The following SEPTIN2 variants were observed in gnomAD, a reference collection of about 807,000 sequenced individuals.
The protein encoded by SEPTIN2 is septin 2, also known as septin-2.
In SEPTIN2, 34 loss-of-function variants were observed where a neutral mutation model predicts 46.5. The observed-to-expected ratio is 0.73, with a 90% CI of 0.56 to 0.97. SEPTIN2 has a LOEUF of 0.97. Ranked by LOEUF, SEPTIN2 falls within the 50% of genes least tolerant of loss-of-function variation. The probability of loss-of-function intolerance (pLI) is 0.00; values close to 1 mark genes in which losing one functional copy is unlikely to be tolerated. For synonymous variants in SEPTIN2, 175 were observed against 153.4 expected, an observed-to-expected ratio of 1.14 and a Z score of -1.04; for missense variants, 347 against 448.4, an observed-to-expected ratio of 0.77 and a Z score of 2.04.
chr2:241,325,611 G>A (rs191399620), intron 2 of SEPTIN2, among the ~76,000 whole-genome samples: 52 of 152,280 alleles, frequency 3.4e-4, no homozygotes, highest in African/African-American at 1.2e-3. Context: ...AGTACTGTCA[G>A]CTGTAGCAGT....
intron 5 of SEPTIN2, 108 bp downstream of exon 5, chr2:241,336,206 T>TA (rs942556236): frequency 3.6e-6 from 4 of 1,097,926 alleles, no homozygotes; most frequent in Non-Finnish European, 5.2e-6. Context: ...CTGTATATAA[T>TA]AAAACACCTA....
intron 3 of SEPTIN2, among the ~76,000 whole-genome samples, chr2:241,327,110 T>G (rs549890658): frequency 6.8e-6 from 1 of 147,650 alleles, no homozygotes; most frequent in South Asian, 2.1e-4. Flanking sequence ...ATTCACAATG[T>G]CTAATGTCTA....
intron 1 of SEPTIN2, chr2:241,318,120 AG>A (rs1575114319): frequency 6.7e-6 from 1 of 149,472 alleles, no homozygotes; most frequent in Non-Finnish European, 1.5e-5. Flanking sequence ...GTTATGTTTC[AG>A]AAAAAAAAAA....
chr2:241,345,450 T>C (rs944228764), intron 9 of SEPTIN2, among the ~76,000 whole-genome samples: 1 of 151,768 alleles, frequency 6.6e-6, no homozygotes, highest in African/African-American at 2.4e-5. Flanking sequence ...TTTACTTTAG[T>C]GTCAGTTGTG....
chr2:241,346,275 G>A (rs771345434), intron 10 of SEPTIN2, 26 bp downstream of exon 10: 1 of 1,591,578 alleles, frequency 6.3e-7, no homozygotes, highest in Admixed American at 1.7e-5. Flanking sequence ...CCCTTTCTCT[G>A]TATTGTGTCA....
chr2:241,351,451 C>T (rs914875740), intron 12 of SEPTIN2: 2 of 152,136 alleles, frequency 1.3e-5, no homozygotes, highest in Non-Finnish European at 2.9e-5. Flanking sequence ...TAGAATAGTC[C>T]TGAGGGTATG....
chr2:241,332,065 C>T lies in SEPTIN2; in HGVS notation c.131-3061C>T, dbSNP rs1412711689. On this transcript the variant is annotated intron_variant, in intron 3 of 12. Coordinates refer to ENST00000391971, the MANE Select transcript of SEPTIN2 (RefSeq NM_004404.5). ...CCTGCTTCACACTGTATATCACAAC[C>T]TGAAATTATAGTAGATTTAAATGTA... Among the ~76,000 whole-genome samples, 5 of 152,032 alleles carry T rather than the reference C, an allele frequency of 3.3e-5. No individual in the cohort carries two copies. The East Asian group carries it at 9.7e-4, about 29-fold the overall frequency.
intron 3 of SEPTIN2, among the ~76,000 whole-genome samples, chr2:241,333,963 G>T (rs1242226946): frequency 6.6e-6 from 1 of 152,094 alleles, no homozygotes; most frequent in Admixed American, 6.5e-5. Context: ...CAATCCTTCT[G>T]CCCTAGCCTC....
At chr2:241,317,516 A>C in intron 1 of SEPTIN2, 1 of 984,600 alleles carries the variant, frequency 1.0e-6, no homozygotes, top group Non-Finnish European at 1.2e-6. Context: ...AAACTGCTGT[A>C]AAAGAAGAAG....
intron 1 of SEPTIN2, among the ~76,000 whole-genome samples, chr2:241,319,976 T>C (rs933583354): frequency 2.6e-5 from 4 of 152,224 alleles, no homozygotes; most frequent in Non-Finnish European, 4.4e-5. Context: ...TGATTTTTTT[T>C]CCCCTATACT....
At chr2:241,329,339 A>G (rs539224243) in intron 3 of SEPTIN2, among the ~76,000 whole-genome samples, 3 of 152,162 alleles carry the variant, frequency 2.0e-5, no homozygotes, top group Admixed American at 1.3e-4. Context: ...CGTGTTAGCC[A>G]TGATGGTCTC....
At chr2:241,334,214 G>GCTTTGCAGAA (rs1381573921) in intron 3 of SEPTIN2, among the ~76,000 whole-genome samples, 1 of 152,108 alleles carries the variant, frequency 6.6e-6, no homozygotes, top group Non-Finnish European at 1.5e-5. Context: ...CCTTCCTCAT[G>GCTTTGCAGAA]CTTTGCAGAA....
At chr2:241,346,516 G>C (rs1439598804) in intron 10 of SEPTIN2, 1 of 203,128 alleles carries the variant, frequency 4.9e-6, no homozygotes, top group Non-Finnish European at 1.0e-5. Flanking sequence ...GGGAGACCAA[G>C]GCAAGGTAGA....
intron 7 of SEPTIN2, 128 bp downstream of exon 7, chr2:241,337,918 A>G (rs944829245): frequency 1.7e-6 from 1 of 581,672 alleles, no homozygotes; most frequent in African/African-American, 1.9e-5. Context: ...TTTTTCCTGC[A>G]TTTTAGTGGT....
At chr2:241,331,686 G>A (rs375586233) in intron 3 of SEPTIN2, among the ~76,000 whole-genome samples, 1 of 152,190 alleles carries the variant, frequency 6.6e-6, no homozygotes, top group East Asian at 1.9e-4. Flanking sequence ...GAGCCACAGC[G>A]TCCAGCTCCA....
intron 7 of SEPTIN2, among the ~76,000 whole-genome samples, chr2:241,338,838 A>ATTTATATTATTTATAT (rs1559643511): frequency 1.3e-4 from 2 of 15,186 alleles, no homozygotes; most frequent in African/African-American, 2.9e-4. Flanking sequence ...TAATATATAT[A>ATTTATATTATTTATAT]ATAAATATAT....
Position 241,353,328 on chromosome 2 carries a change from T to TA in SEPTIN2, c.*1392dup, listed in dbSNP as rs2060914140. On this transcript the variant is annotated 3_prime_UTR_variant, in exon 13 of 13. Coordinates refer to ENST00000391971, the MANE Select transcript of SEPTIN2 (RefSeq NM_004404.5). ...CCTTTCTTCTTGTGTCTCCTTATGG[T>TA]ACACTCCAGCGGTTGCCTTTTTTAT... 1 of 152,208 alleles carries TA rather than the reference T, an allele frequency of 6.6e-6. No homozygotes were observed. The highest frequency in any genetic ancestry group is 2.4e-5 in the African/African-American group (1 of 41,456). 9.4% of individuals were successfully genotyped at this position (152,208 alleles called of 1,614,324 possible).
chr2:241,329,730 G>T (rs2078668774), intron 3 of SEPTIN2, among the ~76,000 whole-genome samples: 2 of 152,164 alleles, frequency 1.3e-5, no homozygotes, highest in Admixed American at 6.5e-5. Context: ...GTTTCCACTG[G>T]CTGGAACGGT....
chr2:241,329,645 G>T (rs1318410627), intron 3 of SEPTIN2, among the ~76,000 whole-genome samples: 1 of 152,170 alleles, frequency 6.6e-6, no homozygotes, highest in South Asian at 2.1e-4. Flanking sequence ...TGTCAAGAGG[G>T]TACACCGAAC....
Sources: allele counts gnomAD v4.1 joint callset (sites outside exome capture counted in the v4.1 genomes callset), GRCh38; gene constraint gnomAD v4.1.1; transcripts MANE v1.5; gene names NCBI Gene and HGNC (gene_info 2026-07-23, HGNC 2026-07-21).